EIF4G3: variants seen among roughly 807,000 people sequenced by gnomAD.
EIF4G3 encodes the protein eukaryotic translation initiation factor 4 gamma 3.
A neutral mutation model predicts 186.4 loss-of-function variants in EIF4G3; 34 were observed. That is an observed-to-expected ratio of 0.18 (90% CI 0.14 to 0.24). EIF4G3 has a LOEUF of 0.24. Ranked by LOEUF, EIF4G3 falls within the 10% of genes least tolerant of loss-of-function variation. The pLI is 1.00. For synonymous variants in EIF4G3, 673 were observed against 679.5 expected, an observed-to-expected ratio of 0.99 and a Z score of 0.15; for missense variants, 1,536 against 1,948.5, an observed-to-expected ratio of 0.79 and a Z score of 3.99.
chr1:21,096,711 A>G (rs2096381023), intron 2 of EIF4G3, among the ~76,000 whole-genome samples: 1 of 152,212 alleles, frequency 6.6e-6, no homozygotes, highest in African/African-American at 2.4e-5. Flanking sequence ...GACTTTAAAA[A>G]GCTATCTTTT....
chr1:20,988,979 T>C (rs796182800), intron 7 of EIF4G3, among the ~76,000 whole-genome samples: 4 of 143,388 alleles, frequency 2.8e-5, no homozygotes, highest in African/African-American at 5.2e-5. Flanking sequence ...GGTTGCAGAA[T>C]TGTTCTAGCC....
chr1:21,126,862 TA>T (rs1488807845), intron 2 of EIF4G3, among the ~76,000 whole-genome samples: 2 of 152,154 alleles, frequency 1.3e-5, no homozygotes, highest in African/African-American at 4.8e-5. Flanking sequence ...AGTATTTGCA[TA>T]AAACCTATGC....
At chr1:20,915,812 G>A (rs1027041935) in intron 14 of EIF4G3, among the ~76,000 whole-genome samples, 3 of 152,140 alleles carry the variant, frequency 2.0e-5, no homozygotes, top group Non-Finnish European at 4.4e-5. Context: ...ACAAGACAAT[G>A]TTTACTTTTA....
intron 3 of EIF4G3, among the ~76,000 whole-genome samples, chr1:21,060,337 G>T: frequency 6.6e-6 from 1 of 152,200 alleles, no homozygotes; most frequent in Non-Finnish European, 1.5e-5. Flanking sequence ...AGAATAAGGG[G>T]TGCCAGTGAA....
intron 29 of EIF4G3, among the ~76,000 whole-genome samples, chr1:20,844,881 G>A (rs2070236213): frequency 6.6e-6 from 1 of 152,150 alleles, no homozygotes; most frequent in Admixed American, 6.5e-5. Flanking sequence ...TTTGTCGGAT[G>A]TGTATATTGC....
chr1:21,014,638 T>TC (rs2088315328), intron 4 of EIF4G3, among the ~76,000 whole-genome samples: 1 of 150,024 alleles, frequency 6.7e-6, no homozygotes, highest in South Asian at 2.1e-4. Context: ...CAAACACCTT[T>TC]TTTTTTTTTT....
At chr1:20,960,799 C>T (rs1216413732) in intron 12 of EIF4G3, among the ~76,000 whole-genome samples, 2 of 152,048 alleles carry the variant, frequency 1.3e-5, no homozygotes, top group African/African-American at 4.8e-5. Context: ...TTCCGTATGA[C>T]AGAAGGCACG....
chr1:21,047,702 C>T (rs773275193), intron 4 of EIF4G3, among the ~76,000 whole-genome samples: 15 of 152,078 alleles, frequency 9.9e-5, no homozygotes, highest in Admixed American at 3.3e-4. Flanking sequence ...CCTTTTTCTC[C>T]TATTAATCTA....
chr1:21,062,419 C>T (rs1042730630), intron 3 of EIF4G3, among the ~76,000 whole-genome samples: 11 of 151,896 alleles, frequency 7.2e-5, no homozygotes, highest in Non-Finnish European at 1.2e-4. Context: ...CAGTAATATC[C>T]TAAACTAAAA....
intron 24 of EIF4G3, among the ~76,000 whole-genome samples, chr1:20,859,466 A>G (rs1436195071): frequency 6.6e-6 from 1 of 152,250 alleles, no homozygotes; most frequent in Admixed American, 6.5e-5. Context: ...AGTATTTACT[A>G]TCAGCCAGAA....
intron 12 of EIF4G3, among the ~76,000 whole-genome samples, chr1:20,964,970 G>C (rs2074287050): frequency 6.6e-6 from 1 of 152,158 alleles, no homozygotes; most frequent in Non-Finnish European, 1.5e-5. Flanking sequence ...TCCACCTGCT[G>C]GGTGAGTTCC....
chr1:21,003,928 T>TA lies in EIF4G3; in HGVS notation c.-66-1121dup, dbSNP rs768887004. On this transcript the variant is annotated intron_variant, in intron 4 of 36. Transcript: ENST00000602326. ...GAGAGCATCAACCAGAACATTCATA[T>TA]ACACGATTATGGCAGCACAAAAAGA... 1.7e-3 allele frequency: 329 copies of TA among 193,922 alleles called. 1 individual carries two copies. Among genetic ancestry groups the TA allele is most frequent in the Non-Finnish European group, 2.4e-3 (228 of 95,662 alleles). 12.0% of individuals were successfully genotyped at this position (193,922 alleles called of 1,614,324 possible).
chr1:21,077,607 G>A (rs555335269), intron 3 of EIF4G3, among the ~76,000 whole-genome samples: 131 of 151,182 alleles, frequency 8.7e-4, no homozygotes, highest in Middle Eastern at 3.4e-3. Flanking sequence ...CGGGCCGGGC[G>A]TGGTGGCTCA....
chr1:20,943,974 TTGTGTGTGTG>T (rs1163268356), intron 13 of EIF4G3, among the ~76,000 whole-genome samples: 16 of 62,536 alleles, frequency 2.6e-4, no homozygotes, highest in African/African-American at 8.7e-4. Context: ...TTTATTTTTT[TTGTGTGTGTG>T]TGTGTGTGTG....
chr1:21,016,545 G>A (rs1178914740), intron 4 of EIF4G3, among the ~76,000 whole-genome samples: 2 of 152,122 alleles, frequency 1.3e-5, no homozygotes, highest in Non-Finnish European at 2.9e-5. Flanking sequence ...TTAGTTGGGT[G>A]TGGTGATGTA....
chr1:20,843,779 T>A (rs191096987), intron 29 of EIF4G3, among the ~76,000 whole-genome samples: 77 of 152,328 alleles, frequency 5.1e-4, no homozygotes, highest in African/African-American at 1.7e-3. Context: ...CCATTAGTTA[T>A]TTTTCCTGAT....
At chr1:20,887,641 T>G (rs1051395339) in intron 18 of EIF4G3, among the ~76,000 whole-genome samples, 2 of 122,400 alleles carry the variant, frequency 1.6e-5, no homozygotes, top group African/African-American at 5.6e-5. Flanking sequence ...ACAGATTATT[T>G]GATAAACATT....
At chr1:20,885,984 CCTGGTAACTATT>C (rs1409677988) in intron 19 of EIF4G3, among the ~76,000 whole-genome samples, 1 of 152,132 alleles carries the variant, frequency 6.6e-6, no homozygotes, top group African/African-American at 2.4e-5. Context: ...ACCCTCTAGA[CCTGGTAACTATT>C]CTGAAAAAAT....
chr1:20,982,818 TGTTA>T (rs2078590891), intron 7 of EIF4G3, among the ~76,000 whole-genome samples: 1 of 152,242 alleles, frequency 6.6e-6, no homozygotes, highest in Admixed American at 6.5e-5. Flanking sequence ...CTGTGTCATT[TGTTA>T]TTTTTGTAAA....
Sources: gnomAD v4.1 joint callset for allele counts (sites outside exome capture counted in the v4.1 genomes callset) on GRCh38, gnomAD v4.1.1 for gene constraint, MANE v1.5 for transcripts, NCBI Gene and HGNC (gene_info 2026-07-23, HGNC 2026-07-21) for gene names.